The following MAPK8IP3 variants were observed in gnomAD, a reference collection of about 807,000 sequenced individuals.
MAPK8IP3 encodes mitogen-activated protein kinase 8 interacting protein 3, also known as C-Jun-amino-terminal kinase-interacting protein 3.
In MAPK8IP3, 49 loss-of-function variants were observed where a neutral mutation model predicts 157.8. The ratio of observed to expected loss-of-function variants is 0.31; its 90% CI spans 0.25 to 0.39. The LOEUF (loss-of-function observed/expected upper bound fraction) is 0.39. MAPK8IP3 is among the 10% of genes least tolerant of loss of function. The probability of loss-of-function intolerance (pLI) is 1.00; values close to 1 mark genes in which losing one functional copy is unlikely to be tolerated. For missense variants in MAPK8IP3, 1,478 were observed against 1,889.4 expected (o/e 0.78, Z 4.04); for synonymous variants, 897 against 777.7 (o/e 1.15, Z -2.55).
At chr16:1,756,460 G>A (rs971535600) in intron 8 of MAPK8IP3, among the ~76,000 whole-genome samples, 11 of 152,034 alleles carry the variant, frequency 7.2e-5, no homozygotes, top group African/African-American at 1.9e-4. Flanking sequence ...TCACTCCAAC[G>A]TGGGTGACAG....
chr16:1,728,594 C>A (rs921596757), intron 2 of MAPK8IP3, among the ~76,000 whole-genome samples: 2 of 146,528 alleles, frequency 1.4e-5, no homozygotes, highest in East Asian at 3.9e-4. Flanking sequence ...ACGGCCTTCA[C>A]AGAGCTGAGT....
chr16:1,733,873 G>C (rs193271039), intron 4 of MAPK8IP3, among the ~76,000 whole-genome samples: 1 of 152,356 alleles, frequency 6.6e-6, no homozygotes, highest in African/African-American at 2.4e-5. Context: ...CCACAACCAG[G>C]TCCTTCTGCC....
At chr16:1,726,871 G>A (rs1383182698) in intron 2 of MAPK8IP3, among the ~76,000 whole-genome samples, 2 of 152,230 alleles carry the variant, frequency 1.3e-5, no homozygotes, top group Non-Finnish European at 1.5e-5. Context: ...AGCCGTTGCC[G>A]GGGTCAGCAC....
Position 1,741,136 on chromosome 16 carries a change from CTG to C in MAPK8IP3, c.603-2192_603-2191del, listed in dbSNP as rs2040651832. 6.6e-6 allele frequency among the ~76,000 whole-genome samples: 1 copy of C among 152,184 alleles called. No homozygotes were observed. Among genetic ancestry groups the C allele is most frequent in the African/African-American group, 2.4e-5 (1 of 41,452 alleles). On this transcript the variant is annotated intron_variant, in intron 4 of 31. Transcript: ENST00000610761. This position sits in a 1 kb window ranked among gnomAD's most constrained non-coding sequence, Gnocchi z 6.9. ...TAGCCCAGCTCCCTCACTCACCAGC[CTG>C]TGTCAGAGCCGGTGACACACCCATG...
chr16:1,763,840 A>G (rs1448980805), intron 17 of MAPK8IP3, 57 bp downstream of exon 17: 4 of 93,338 alleles, frequency 4.3e-5, no homozygotes, highest in South Asian at 1.6e-4. Flanking sequence ...GGCGGGGGTA[A>G]GGGGCGGGGC....
At chr16:1,712,026 T>TGGTG (rs1268265976) in intron 1 of MAPK8IP3, among the ~76,000 whole-genome samples, 8 of 147,134 alleles carry the variant, frequency 5.4e-5, no homozygotes, top group Non-Finnish European at 1.1e-4. Context: ...CACTAGGTCC[T>TGGTG]GGTGTTCTTT....
In MAPK8IP3 at chr16:1,710,588, A is replaced by G. The variant is rs2037708457; in HGVS notation, c.318+3931A>G. Among the ~76,000 whole-genome samples, 1 of 152,232 alleles carries G rather than the reference A, an allele frequency of 6.6e-6. No individual in the cohort carries two copies. Among genetic ancestry groups the G allele is most frequent in the African/African-American group, 2.4e-5 (1 of 41,466 alleles). On this transcript the variant is annotated intron_variant, in intron 1 of 31. Transcript: ENST00000610761. The surrounding 1 kb of genome is among the most constrained non-coding windows in gnomAD (Gnocchi z 4.1). ...ATAATCCCGCTCTACAGAGATGATC[A>G]GTCTGCCATTTTTCCTTCTTTTTTT...
Position 1,742,364 on chromosome 16 carries a change from C to T in MAPK8IP3, c.603-968C>T, listed in dbSNP as rs1220405706. Among the ~76,000 whole-genome samples, 1 of 152,182 alleles carries T rather than the reference C, an allele frequency of 6.6e-6. No individual in the cohort carries two copies. Among genetic ancestry groups the T allele is most frequent in the African/African-American group, 2.4e-5 (1 of 41,442 alleles). On this transcript the variant is annotated intron_variant, in intron 4 of 31. Coordinates refer to ENST00000610761, the MANE Select transcript of MAPK8IP3 (RefSeq NM_001318852.2). This position sits in a 1 kb window ranked among gnomAD's most constrained non-coding sequence, Gnocchi z 5.0. ...GCACTGTCCTGACAGCTCCAGCTCC[C>T]AGGCGCTCCCACTGTCTTGCCAGGC... is the stretch of plus-strand genomic sequence containing the variant.
chr16:1,743,608 G>A lies in MAPK8IP3; in HGVS notation c.747+132G>A. ...CCACTCGCCCTCTCCCTTCGTGTGT[G>A]GCAGGATGGAGAAACCCAGCCAGGG... On this transcript the variant is annotated intron_variant, in intron 5 of 31. Transcript: ENST00000610761. This position sits in a 1 kb window ranked among gnomAD's most constrained non-coding sequence, Gnocchi z 5.6. The A allele has an allele frequency of 1.4e-6, 2 of 1,449,770 alleles. No individual in the cohort carries two copies. Among genetic ancestry groups the A allele is most frequent in the Non-Finnish European group, 9.0e-7 (1 of 1,109,366 alleles). 89.8% of individuals were successfully genotyped at this position (1,449,770 alleles called of 1,614,324 possible). A position where few individuals can be genotyped will look rare whatever the true frequency, so the allele number is the denominator to read the frequency against.
At position 1,766,085 on chromosome 16, in the gene MAPK8IP3, G is replaced by T; in HGVS notation, c.2572G>T (p.Val858Leu). Residue 858 changes from valine to leucine, a missense_variant, in exon 21 of 32, where the codon GTG becomes TTG. Around this residue, in one of 11 missense-constraint regions of MAPK8IP3, gnomAD observed 669 missense variants for 759.8 expected, o/e 0.88. Transcript: ENST00000610761. ...GGTGGGCTGTGCCACCCGCTGCAAC[G>T]TGCCGCGGAGCAACTGCTCCTCCCG... ...TLVGCATRCN[V>L]PRSNCSSRGD... 6.2e-7 allele frequency: 1 copy of T among 1,612,774 alleles called. No homozygotes were observed. Among genetic ancestry groups the T allele is most frequent in the Non-Finnish European group, 8.5e-7 (1 of 1,179,930 alleles).
chr16:1,764,044 C>T (rs1015806284), intron 17 of MAPK8IP3, 71 bp from the exon 18 acceptor site: 4 of 1,433,698 alleles, frequency 2.8e-6, no homozygotes, highest in African/African-American at 1.4e-5. Flanking sequence ...GCAGCCCTAC[C>T]TGTCTCAGAT....
At chr16:1,717,677 G>A (rs537684017) in intron 1 of MAPK8IP3, among the ~76,000 whole-genome samples, 1 of 152,338 alleles carries the variant, frequency 6.6e-6, no homozygotes, top group East Asian at 1.9e-4. Context: ...ATACTACCGT[G>A]CTGTATTCTG....
Position 1,729,560 on chromosome 16 carries a change from G to T in MAPK8IP3, c.584G>T (p.Ser195Ile), listed in dbSNP as rs762918883. Residue 195 changes from serine to isoleucine, a missense_variant, in exon 4 of 32, where the codon AGC (serine) becomes ATC (isoleucine). Around this residue, in one of 11 missense-constraint regions of MAPK8IP3, gnomAD observed 315 missense variants for 394.4 expected, o/e 0.80. Transcript: ENST00000610761. The part of the protein sequence containing the change: ...QQVGGNSQTE[S>I]SLPGRSRKER... Reference sequence around the variant, plus strand: ...GTCGGAGGAAACAGCCAGACCGAGAGCAGCCTGCCGGGGCGGAGGTACGCG... The same window carrying T: ...GTCGGAGGAAACAGCCAGACCGAGATCAGCCTGCCGGGGCGGAGGTACGCG... The T allele has an allele frequency of 1.1e-5, 18 of 1,608,154 alleles. No individual in the cohort carries two copies. In the South Asian group the frequency reaches 1.8e-4, roughly 16 times the overall value.
At chr16:1,763,568 C>T in intron 16 of MAPK8IP3, 89 bp from the exon 17 acceptor site, 1 of 1,378,546 alleles carries the variant, frequency 7.3e-7, no homozygotes, top group Non-Finnish European at 9.5e-7. Context: ...GGCGGGCCTC[C>T]CTGCCGTGAC....
At chr16:1,739,678 GTGA>G (rs2040496502) in intron 4 of MAPK8IP3, among the ~76,000 whole-genome samples, 2 of 128,714 alleles carry the variant, frequency 1.6e-5, no homozygotes, top group Non-Finnish European at 3.3e-5. Flanking sequence ...GTTCGTGTGA[GTGA>G]CCGTCCGTGT....
At chr16:1,756,623 A>AACACACACACACAC (rs60461442) in intron 8 of MAPK8IP3, among the ~76,000 whole-genome samples, 70 of 135,698 alleles carry the variant, frequency 5.2e-4, no homozygotes, top group Middle Eastern at 3.7e-3. Flanking sequence ...TTTTTACTAA[A>AACACACACACACAC]ACACACACAC....
chr16:1,728,456 C>T (rs1045487053), intron 2 of MAPK8IP3, among the ~76,000 whole-genome samples: 1 of 152,244 alleles, frequency 6.6e-6, no homozygotes, highest in Non-Finnish European at 1.5e-5. Context: ...TGGGTTTTGC[C>T]TGCATCTCAG....
At chr16:1,734,388 G>C (rs1037658576) in intron 4 of MAPK8IP3, among the ~76,000 whole-genome samples, 1 of 152,204 alleles carries the variant, frequency 6.6e-6, no homozygotes, top group East Asian at 1.9e-4. Context: ...TGCTGTTGCG[G>C]TGGTGGCATT....
Position 1,742,123 on chromosome 16 carries a change from C to T in MAPK8IP3, c.603-1209C>T, listed in dbSNP as rs984683128. Among the ~76,000 whole-genome samples the T allele has an allele frequency of 6.6e-6, 1 of 152,154 alleles. No homozygotes were observed. Among genetic ancestry groups the T allele is most frequent in the Non-Finnish European group, 1.5e-5 (1 of 68,020 alleles). On this transcript the variant is annotated intron_variant, in intron 4 of 31. Coordinates refer to ENST00000610761, the MANE Select transcript of MAPK8IP3 (RefSeq NM_001318852.2). The surrounding 1 kb of genome is among the most constrained non-coding windows in gnomAD (Gnocchi z 5.0). Reference sequence around the variant, plus strand: ...GACTCTTAATTCTTGTCCTGAATAGCCCTGAGCAGTGTGGGCTCCAGCATC... The same window carrying T: ...GACTCTTAATTCTTGTCCTGAATAGTCCTGAGCAGTGTGGGCTCCAGCATC...
Sources: allele counts gnomAD v4.1 joint callset (sites outside exome capture counted in the v4.1 genomes callset), GRCh38; gene constraint gnomAD v4.1.1; regional missense constraint gnomAD v4.1.1; non-coding constraint Gnocchi (gnomAD v3.1); transcripts MANE v1.5; gene names NCBI Gene and HGNC (gene_info 2026-07-23, HGNC 2026-07-21).